Variants in PCDHGA1 observed in about 807,000 individuals in gnomAD.
PCDHGA1 encodes protocadherin gamma subfamily A, 1.
PCDHGA1 carries 32 observed loss-of-function variants against 58.0 expected under a neutral mutation model. The observed-to-expected ratio is 0.55, with a 90% CI of 0.42 to 0.74. PCDHGA1 has a LOEUF of 0.74. PCDHGA1 is among the 30% of genes least tolerant of loss of function. PCDHGA1 has a pLI of 0.00. For synonymous variants in PCDHGA1, 498 were observed against 501.1 expected (o/e 0.99, Z 0.08); for missense variants, 1,205 against 1,182.3 (o/e 1.02, Z -0.28).
intron 1 of PCDHGA1, among the ~76,000 whole-genome samples, chr5:141,380,184 G>A (rs1776280762): frequency 6.6e-6 from 1 of 152,160 alleles, no homozygotes; most frequent in South Asian, 2.1e-4. Flanking sequence ...ACAGGCATGA[G>A]CCACTGAGCC....
chr5:141,345,687 G>C (rs2879227), intron 1 of PCDHGA1: 1 of 1,614,154 alleles, frequency 6.2e-7, no homozygotes, highest in Non-Finnish European at 8.5e-7. Context: ...GAACCTGTTC[G>C]TGCTGGACCA....
chr5:141,369,622 A>C (rs904281390), intron 1 of PCDHGA1, among the ~76,000 whole-genome samples: 3 of 152,224 alleles, frequency 2.0e-5, no homozygotes, highest in African/African-American at 7.2e-5. Flanking sequence ...TCATTTCCTC[A>C]TTACCTTTAA....
chr5:141,405,359 G>A, intron 1 of PCDHGA1: 2 of 1,614,018 alleles, frequency 1.2e-6, no homozygotes, highest in Non-Finnish European at 1.7e-6. Context: ...TCCTATAGAA[G>A]ACACCCCTTT....
chr5:141,362,748 A>C lies in PCDHGA1; in HGVS notation c.2421+29643A>C, dbSNP rs146059189. 1,393 of 693,104 alleles carry C rather than the reference A, an allele frequency of 2.0e-3. 24 individuals carry two copies. In the East Asian group the frequency reaches 0.035, roughly 17 times the overall value. The allele number at this position is 693,104 out of a possible 1,614,324, so 42.9% of individuals were successfully genotyped here. A position where few individuals can be genotyped will look rare whatever the true frequency, so the allele number is the denominator to read the frequency against. On this transcript the variant is annotated intron_variant, in intron 1 of 3. Coordinates refer to ENST00000517417, the MANE Select transcript of PCDHGA1 (RefSeq NM_018912.3). ...GTGAGATTTATTTACCCATGATTGC[A>C]AACCTTTATCACATGAGATATTGCA...
At chr5:141,351,901 G>A (rs760555793) in intron 1 of PCDHGA1, 107 of 1,613,270 alleles carry the variant, frequency 6.6e-5, no homozygotes, top group Admixed American at 2.5e-4. Flanking sequence ...TGCGCGTGTT[G>A]GTGGGCGACC....
At position 141,431,784 on chromosome 5, in the gene PCDHGA1, A is replaced by G; in HGVS notation, c.2422-63023A>G. On this transcript the variant is annotated intron_variant, in intron 1 of 3. Coordinates refer to ENST00000517417, the MANE Select transcript of PCDHGA1 (RefSeq NM_018912.3). The surrounding 1 kb of genome is among the most constrained non-coding windows in gnomAD (Gnocchi z 4.8). ...CTGATCACTGTTCTGGACGTGAACG[A>G]CAATGCCCCAGAAGTGGTCCTCACC... 1 of 1,614,220 alleles carries G rather than the reference A, an allele frequency of 6.2e-7. No individual in the cohort carries two copies. Among genetic ancestry groups the G allele is most frequent in the Non-Finnish European group, 8.5e-7 (1 of 1,180,022 alleles).
chr5:141,400,588 T>TC, intron 1 of PCDHGA1: 1 of 1,606,158 alleles, frequency 6.2e-7, no homozygotes, highest in South Asian at 1.1e-5. Flanking sequence ...TACATGAAAC[T>TC]ATCGTACATT....
chr5:141,351,017 C>A, intron 1 of PCDHGA1: 1 of 1,614,048 alleles, frequency 6.2e-7, no homozygotes, highest in East Asian at 2.2e-5. Context: ...AGAAAACGTA[C>A]CGTGGGGAAC....
chr5:141,427,434 A>G (rs2097026509), intron 1 of PCDHGA1: 1 of 473,650 alleles, frequency 2.1e-6, no homozygotes, highest in African/African-American at 2.0e-5. Context: ...TACATGCCTC[A>G]TAAACGAAAG....
intron 1 of PCDHGA1, among the ~76,000 whole-genome samples, chr5:141,402,192 CTT>C (rs1205831935): frequency 6.6e-6 from 1 of 152,006 alleles, no homozygotes; most frequent in Non-Finnish European, 1.5e-5. Flanking sequence ...ATTAATATTA[CTT>C]TTATAATACA....
At chr5:141,404,102 T>C (rs1288980459) in intron 1 of PCDHGA1, 16 of 1,613,462 alleles carry the variant, frequency 9.9e-6, no homozygotes, top group Non-Finnish European at 8.5e-7. Context: ...TCAAGTTGTC[T>C]GTTCTATCCA....
intron 1 of PCDHGA1, among the ~76,000 whole-genome samples, chr5:141,475,204 A>G (rs2099360413): frequency 6.6e-6 from 1 of 152,176 alleles, no homozygotes; most frequent in African/African-American, 2.4e-5. Flanking sequence ...AGATCTTGGG[A>G]AAAGGATTGA....
chr5:141,498,230 C>T (rs2099782452), intron 2 of PCDHGA1, among the ~76,000 whole-genome samples: 1 of 152,200 alleles, frequency 6.6e-6, no homozygotes, highest in African/African-American at 2.4e-5. Flanking sequence ...GATGGTCAGG[C>T]ATACCAGCTT....
chr5:141,494,394 T>C (rs1437164389), intron 1 of PCDHGA1, among the ~76,000 whole-genome samples: 1 of 152,154 alleles, frequency 6.6e-6, no homozygotes, highest in African/African-American at 2.4e-5. Flanking sequence ...GTTGAATAAA[T>C]TCATTCTAGG....
intron 1 of PCDHGA1, chr5:141,379,714 A>G (rs1315727028): frequency 6.6e-6 from 1 of 152,154 alleles, no homozygotes; most frequent in African/African-American, 2.4e-5. Flanking sequence ...CCTGGCAGTC[A>G]TGGAATTTGC....
intron 1 of PCDHGA1, among the ~76,000 whole-genome samples, chr5:141,461,756 C>T (rs887460069): frequency 6.6e-6 from 1 of 151,832 alleles, no homozygotes; most frequent in Non-Finnish European, 1.5e-5. Flanking sequence ...CAGATTCAAG[C>T]GATTCTCCTG....
intron 1 of PCDHGA1, among the ~76,000 whole-genome samples, chr5:141,438,623 T>C (rs1485045684): frequency 2.3e-4 from 10 of 42,840 alleles, no homozygotes; most frequent in Non-Finnish European, 3.8e-4. Flanking sequence ...TATATATATA[T>C]ATATATATAT....
At position 141,431,896 on chromosome 5, in the gene PCDHGA1, C is replaced by A. The variant is rs1292629023; in HGVS notation, c.2422-62911C>A. The A allele has an allele frequency of 6.2e-7, 1 of 1,613,940 alleles. No homozygotes were observed. The highest frequency in any genetic ancestry group is 1.3e-5 in the African/African-American group (1 of 74,924). On this transcript the variant is annotated intron_variant, in intron 1 of 3. Coordinates refer to ENST00000517417, the MANE Select transcript of PCDHGA1 (RefSeq NM_018912.3). This position sits in a 1 kb window ranked among gnomAD's most constrained non-coding sequence, Gnocchi z 4.8. Reference sequence around the variant, plus strand: ...TAAATGACCAAGATTCTGAGGAAAACGGACAGGTGATCTGTTTCATCCAAG... The same window carrying A: ...TAAATGACCAAGATTCTGAGGAAAAAGGACAGGTGATCTGTTTCATCCAAG...
intron 1 of PCDHGA1, chr5:141,419,262 G>C: frequency 1.9e-6 from 3 of 1,614,014 alleles, no homozygotes; most frequent in Non-Finnish European, 2.5e-6. Context: ...AACCAGCCGG[G>C]TGCCTCCATA....
Sources: gnomAD v4.1 joint callset for allele counts (sites outside exome capture counted in the v4.1 genomes callset) on GRCh38, gnomAD v4.1.1 for gene constraint, Gnocchi (gnomAD v3.1) non-coding constraint, MANE v1.5 for transcripts, NCBI Gene and HGNC (gene_info 2026-07-23, HGNC 2026-07-21) for gene names.